SLC17A2: variants seen among roughly 807,000 people sequenced by gnomAD.
SLC17A2 encodes sodium-dependent phosphate transport protein 3.
In SLC17A2, 38 loss-of-function variants were observed where a neutral mutation model predicts 52.1. The ratio of observed to expected loss-of-function variants is 0.73; its 90% confidence interval spans 0.56 to 0.96. SLC17A2 has a LOEUF of 0.96. Among genes scored for constraint, SLC17A2 ranks in the 40% least tolerant of loss-of-function variants. The probability of loss-of-function intolerance (pLI) is 0.00; values close to 1 mark genes in which losing one functional copy is unlikely to be tolerated. For missense variants in SLC17A2, 508 were observed against 583.9 expected (o/e 0.87, Z 1.34); for synonymous variants, 226 against 211.9 (o/e 1.07, Z -0.58).
chr6:25,915,403 C>T, intron 10 of SLC17A2, 96 bp downstream of exon 10: 1 of 1,046,386 alleles, frequency 9.6e-7, no homozygotes, highest in Non-Finnish European at 1.3e-6. Context: ...GCCATTAGTG[C>T]AATGTCAGTA....
intron 1 of SLC17A2, among the ~76,000 whole-genome samples, chr6:25,927,361 G>A (rs988890489): frequency 2.0e-5 from 3 of 152,064 alleles, no homozygotes; most frequent in African/African-American, 7.2e-5. Flanking sequence ...AAATGTTTTC[G>A]ACAATATTGA....
intron 5 of SLC17A2, among the ~76,000 whole-genome samples, chr6:25,919,485 A>C (rs1581564125): frequency 6.6e-6 from 1 of 151,950 alleles, no homozygotes; most frequent in Non-Finnish European, 1.5e-5. Flanking sequence ...AGGCGGGCGG[A>C]TCACGAGGTC....
intron 5 of SLC17A2, among the ~76,000 whole-genome samples, chr6:25,920,762 G>T (rs1581566519): frequency 6.6e-6 from 1 of 152,238 alleles, no homozygotes; most frequent in East Asian, 1.9e-4. Flanking sequence ...GACTACTAAG[G>T]CTTTTCTGAC....
chr6:25,925,727 C>A, intron 2 of SLC17A2, 42 bp downstream of exon 2: 2 of 1,563,678 alleles, frequency 1.3e-6, no homozygotes, highest in Non-Finnish European at 1.8e-6. Context: ...GAATAAGCTT[C>A]AGCTTATTAA....
At chr6:25,919,173 T>C (rs905118561) in intron 5 of SLC17A2, among the ~76,000 whole-genome samples, 3 of 152,164 alleles carry the variant, frequency 2.0e-5, no homozygotes, top group Non-Finnish European at 4.4e-5. Context: ...CACACACATA[T>C]GCCTCAAACG....
intron 4 of SLC17A2, 35 bp downstream of exon 4, chr6:25,921,144 T>G (rs1357140560): frequency 1.9e-6 from 3 of 1,613,610 alleles, no homozygotes; most frequent in Non-Finnish European, 2.5e-6. Flanking sequence ...TTCAGAAATC[T>G]GGATCCCACC....
chr6:25,914,302 T>C (rs1766216768), intron 11 of SLC17A2, among the ~76,000 whole-genome samples: 1 of 152,218 alleles, frequency 6.6e-6, no homozygotes, highest in South Asian at 2.1e-4. Flanking sequence ...ATTCTGGTCA[T>C]AACTAAGAAC....
At chr6:25,919,858 A>C (rs1053174811) in intron 5 of SLC17A2, among the ~76,000 whole-genome samples, 2 of 152,050 alleles carry the variant, frequency 1.3e-5, no homozygotes, top group East Asian at 3.9e-4. Flanking sequence ...GTGCAGATCT[A>C]TGTGGAGAGC....
chr6:25,913,371 A>G lies in SLC17A2; in HGVS notation c.1383T>C (p.Phe461=). ...CCCAGTCTTGAAGTTCTGCTTGTCC[A>G]AACGTGAGGTAAAAGACCAGGCCAA... ...NMFGLVFYLT[F]GQAELQDWAK... Residue 461 remains phenylalanine (F), a synonymous_variant, in exon 12 of 12, where the codon TTT becomes TTC. Coordinates refer to ENST00000377850, the MANE Select transcript of SLC17A2 (RefSeq NM_001286123.3). The G allele has an allele frequency of 6.2e-7, 1 of 1,614,112 alleles. No homozygotes were observed. The highest frequency in any genetic ancestry group is 8.5e-7 in the Non-Finnish European group (1 of 1,179,978).
chr6:25,919,073 A>C (rs1372537922), intron 5 of SLC17A2, among the ~76,000 whole-genome samples: 3 of 152,206 alleles, frequency 2.0e-5, no homozygotes, highest in African/African-American at 7.2e-5. Context: ...ACAACAAGAC[A>C]CATATTTCAC....
chr6:25,918,642 A>G, intron 5 of SLC17A2, 69 bp from the exon 6 acceptor site: 1 of 995,334 alleles, frequency 1.0e-6, no homozygotes. Flanking sequence ...CTCCCTAAAC[A>G]ATGTCCCAAC....
At chr6:25,913,906 A>G (rs574277769) in intron 11 of SLC17A2, among the ~76,000 whole-genome samples, 1 of 152,256 alleles carries the variant, frequency 6.6e-6, no homozygotes, top group East Asian at 1.9e-4. Flanking sequence ...CCTCCTCAGA[A>G]AGCCCTACTA....
chr6:25,925,316 A>G (rs1163489511), intron 2 of SLC17A2, among the ~76,000 whole-genome samples: 2 of 152,226 alleles, frequency 1.3e-5, no homozygotes, highest in African/African-American at 4.8e-5. Context: ...GATCGAGACC[A>G]TCCTGGCTAA....
Position 25,916,738 on chromosome 6 carries a change from G to A in SLC17A2, c.877C>T (p.Leu293=), listed in dbSNP as rs758043890. Residue 293 remains leucine (L), a synonymous_variant, in exon 8 of 12, where the codon CTA becomes TTA. Transcript: ENST00000377850. ...FSHFWLCTII[L]TYLPTYISTL... ...CTGATATACGTTGGTAGGTATGTTA[G>A]GATGATGGTGCACAACCAGAAATGG... is the stretch of plus-strand genomic sequence containing the variant. 16 of 1,613,954 alleles carry A rather than the reference G, an allele frequency of 9.9e-6. No homozygotes were observed. The highest frequency in any genetic ancestry group is 4.2e-6 in the Non-Finnish European group (5 of 1,179,816).
At chr6:25,928,020 A>G (rs907580006) in intron 1 of SLC17A2, among the ~76,000 whole-genome samples, 1 of 152,162 alleles carries the variant, frequency 6.6e-6, no homozygotes, top group East Asian at 1.9e-4. Flanking sequence ...AATTACTTAC[A>G]CTCCACTTAA....
At position 25,923,712 on chromosome 6, in the gene SLC17A2, T is replaced by C. The variant is rs762960112; in HGVS notation, c.223A>G (p.Lys75Glu). ...ATACTTACCTTTGTATCAAATTCCT[T>C]GATGGATATGCTGGAGTTATTGAAG... ...DAFNNSSISI[K>E]EFDTKASVYQ... Residue 75 changes from lysine (K) to glutamate (E), a missense_variant, in exon 3 of 12, where the codon AAG becomes GAG. By Grantham distance (56) the Lys-to-Glu change is moderately conservative. Coordinates refer to ENST00000377850, the MANE Select transcript of SLC17A2 (RefSeq NM_001286123.3). 54 of 1,613,940 alleles carry C rather than the reference T, an allele frequency of 3.3e-5. No individual in the cohort carries two copies. The highest frequency in any genetic ancestry group is 4.5e-5 in the Non-Finnish European group (53 of 1,179,944).
rs781294966 is a variant in SLC17A2, at chr6:25,923,879, C to T, written c.56G>A (p.Gly19Glu). Residue 19 changes from glycine (G) to glutamate (E), a missense_variant, in exon 3 of 12, where the codon GGG becomes GAG. Physicochemically the swap from Gly to Glu is moderately conservative, Grantham distance 98. Transcript: ENST00000377850. ...KGPDFCSLRY[G>E]LALIMHFSNF... ...TGAGAAGTGCATGATAAGAGCCAGC[C>T]CATAGCGTAATGAACAGAAATCTGG... The T allele has an allele frequency of 2.5e-6, 4 of 1,614,078 alleles. No individual in the cohort carries two copies. The highest frequency in any genetic ancestry group is 2.5e-6 in the Non-Finnish European group (3 of 1,180,020).
chr6:25,921,959 AC>A (rs1435262620), intron 3 of SLC17A2, among the ~76,000 whole-genome samples: 1 of 151,838 alleles, frequency 6.6e-6, no homozygotes, highest in Non-Finnish European at 1.5e-5. Flanking sequence ...TAAAATAACT[AC>A]CTAAAATTCC....
Position 25,921,253 on chromosome 6 carries a change from G to C in SLC17A2, c.400C>G (p.Leu134Val). The change falls in exon 4 of 12, where the codon CTC becomes GTC. Residue 134 changes from leucine to valine, a missense_variant. Leu to Val is a conservative substitution (Grantham distance 32). Transcript: ENST00000377850. ...AGLLISSLLT[L>V]FTPLAADFGV... is the part of the protein sequence containing the mutation. ...AAGTCAGCAGCCAGTGGTGTAAAGA[G>C]GGTGAGAAGGGAAGAGATCAGCAAA... 1 of 1,614,148 alleles carries C rather than the reference G, an allele frequency of 6.2e-7. No individual in the cohort carries two copies.
Sources: allele counts gnomAD v4.1 joint callset (sites outside exome capture counted in the v4.1 genomes callset), GRCh38; gene constraint gnomAD v4.1.1; transcripts MANE v1.5; gene names NCBI Gene and HGNC (gene_info 2026-07-23, HGNC 2026-07-21).